RAPGEF5: variants seen among roughly 807,000 people sequenced by gnomAD.
RAPGEF5 encodes the protein M-Ras-regulated GEF.
A neutral mutation model predicts 125.2 loss-of-function variants in RAPGEF5; 65 were observed. That is an observed-to-expected ratio of 0.52 (90% CI 0.43 to 0.64). RAPGEF5 has a LOEUF of 0.64. Ranked by LOEUF, RAPGEF5 falls within the 30% of genes least tolerant of loss-of-function variation. The pLI, the probability that RAPGEF5 is intolerant of heterozygous loss-of-function variation, is 0.00. For missense variants in RAPGEF5, 958 were observed against 1,048.1 expected (o/e 0.91, Z 1.19); for synonymous variants, 391 against 385.9 (o/e 1.01, Z -0.16).
At position 22,305,875 on chromosome 7, in the gene RAPGEF5, G is replaced by A. The variant is rs369916427; in HGVS notation, c.680+2464C>T. Among the ~76,000 whole-genome samples, 14 of 152,260 alleles carry A rather than the reference G, an allele frequency of 9.2e-5. No homozygotes were observed. The East Asian group carries it at 1.7e-3, about 19-fold the overall frequency. On this transcript the variant is annotated intron_variant, in intron 5 of 25. Transcript: ENST00000665637. ...CAGTTCCATCCATGTTGTTGCAAAT[G>A]ACTATCTCTCATTCTTTTTTATGGC...
At chr7:22,355,986 C>A in intron 1 of RAPGEF5, 3 of 985,436 alleles carry the variant, frequency 3.0e-6, no homozygotes, top group Non-Finnish European at 3.6e-6. Flanking sequence ...ACCAAAGGTG[C>A]CGCCAAACCC....
chr7:22,307,107 G>A (rs780169173), intron 5 of RAPGEF5, among the ~76,000 whole-genome samples: 12 of 152,098 alleles, frequency 7.9e-5, no homozygotes, highest in Non-Finnish European at 1.8e-4. Flanking sequence ...TGGTATTTTG[G>A]TTGGGATTGC....
At chr7:22,262,618 A>T (rs189943228) in intron 7 of RAPGEF5, among the ~76,000 whole-genome samples, 19 of 152,292 alleles carry the variant, frequency 1.2e-4, no homozygotes, top group Admixed American at 2.6e-4. Context: ...TATACAAAAA[A>T]CCCTAAATAG....
At chr7:22,187,139 G>A (rs902931948) in intron 11 of RAPGEF5, among the ~76,000 whole-genome samples, 1 of 152,112 alleles carries the variant, frequency 6.6e-6, no homozygotes, top group Non-Finnish European at 1.5e-5. Context: ...CTAAGCCCTC[G>A]TGCAAGGGCT....
chr7:22,145,297 A>G, intron 19 of RAPGEF5, 75 bp from the exon 20 acceptor site: 1 of 1,414,524 alleles, frequency 7.1e-7, no homozygotes, highest in Non-Finnish European at 9.5e-7. Context: ...TCAAATTTTA[A>G]GAGCTACTTC....
chr7:22,277,680 C>T (rs1202405133), intron 6 of RAPGEF5, among the ~76,000 whole-genome samples: 1 of 152,156 alleles, frequency 6.6e-6, no homozygotes, highest in Non-Finnish European at 1.5e-5. Flanking sequence ...CCGGAAGCTG[C>T]CCATAGCTCC....
intron 12 of RAPGEF5, among the ~76,000 whole-genome samples, chr7:22,164,167 C>G (rs1174693452): frequency 6.6e-6 from 1 of 152,032 alleles, no homozygotes; most frequent in African/African-American, 2.4e-5. Context: ...GACCTCATCT[C>G]TACAAAGAAA....
chr7:22,241,752 C>T (rs1786337066), intron 7 of RAPGEF5, among the ~76,000 whole-genome samples: 2 of 152,072 alleles, frequency 1.3e-5, no homozygotes, highest in Non-Finnish European at 2.9e-5. Flanking sequence ...GGATGGTTTT[C>T]CTCGTCAGAC....
chr7:22,160,722 A>T (rs1783961362), intron 13 of RAPGEF5, 107 bp from the exon 14 acceptor site: 1 of 1,320,414 alleles, frequency 7.6e-7, no homozygotes, highest in Non-Finnish European at 9.8e-7. Flanking sequence ...GGGATTCAGG[A>T]CAATGTACGG....
Position 22,122,378 on chromosome 7 carries a change from A to G in RAPGEF5, c.*28T>C. ...ACATTCCCGTAGCTCAAAGTGCTGC[A>G]GATACAGGGGAGGTGAGGCAGTGGG... On this transcript the variant is annotated 3_prime_UTR_variant, in exon 26 of 26. Coordinates refer to ENST00000665637, the MANE Select transcript of RAPGEF5 (RefSeq NM_012294.5). 6.5e-7 allele frequency: 1 copy of G among 1,534,030 alleles called. No individual in the cohort carries two copies. The highest frequency in any genetic ancestry group is 9.0e-7 in the Non-Finnish European group (1 of 1,108,808).
Position 22,321,158 on chromosome 7 carries a change from T to C in RAPGEF5, c.232-3121A>G, listed in dbSNP as rs534853412. ...TTCTCCTTTCCATTTTAATGAACCA[T>C]GGAAAATGTTTCCCTAACTAATTAC... On this transcript the variant is annotated intron_variant, in intron 1 of 25. Coordinates refer to ENST00000665637, the MANE Select transcript of RAPGEF5 (RefSeq NM_012294.5). Among the ~76,000 whole-genome samples, 8 of 152,334 alleles carry C rather than the reference T, an allele frequency of 5.3e-5. No individual in the cohort carries two copies. In the East Asian group the frequency reaches 1.2e-3, roughly 22 times the overall value.
At chr7:22,261,701 G>C (rs900582542) in intron 7 of RAPGEF5, among the ~76,000 whole-genome samples, 1 of 152,128 alleles carries the variant, frequency 6.6e-6, no homozygotes, top group Non-Finnish European at 1.5e-5. Flanking sequence ...TTGTAGTATT[G>C]ATGGATACCA....
chr7:22,124,887 A>G (rs1031451438), intron 25 of RAPGEF5, among the ~76,000 whole-genome samples: 1 of 152,184 alleles, frequency 6.6e-6, no homozygotes, highest in African/African-American at 2.4e-5. Context: ...TTTTTGTTCT[A>G]CACCTACAGG....
intron 9 of RAPGEF5, among the ~76,000 whole-genome samples, chr7:22,198,844 G>T (rs1248306272): frequency 1.3e-5 from 2 of 152,186 alleles, no homozygotes; most frequent in Non-Finnish European, 2.9e-5. Flanking sequence ...TTTACAAATG[G>T]AGACAGGAGC....
intron 11 of RAPGEF5, among the ~76,000 whole-genome samples, chr7:22,174,763 G>C (rs1340430664): frequency 6.6e-6 from 1 of 152,186 alleles, no homozygotes; most frequent in Admixed American, 6.6e-5. Context: ...AGAGAGATAT[G>C]AGTTAAGCTT....
chr7:22,127,771 A>G (rs1782794344), intron 24 of RAPGEF5, among the ~76,000 whole-genome samples: 1 of 152,258 alleles, frequency 6.6e-6, no homozygotes, highest in African/African-American at 2.4e-5. Context: ...ATTATTGCTG[A>G]AAGAATATTA....
intron 7 of RAPGEF5, among the ~76,000 whole-genome samples, chr7:22,263,355 CAA>C (rs1782203132): frequency 6.6e-6 from 1 of 152,164 alleles, no homozygotes; most frequent in South Asian, 2.1e-4. Flanking sequence ...AAAGTTATCT[CAA>C]AAGAGCACAT....
intron 13 of RAPGEF5, among the ~76,000 whole-genome samples, chr7:22,161,831 T>G (rs1039913456): frequency 2.6e-5 from 4 of 152,206 alleles, no homozygotes; most frequent in Admixed American, 2.0e-4. Context: ...ACCTGCAGAC[T>G]TAATATGATT....
At chr7:22,302,625 G>A (rs759275698) in intron 5 of RAPGEF5, among the ~76,000 whole-genome samples, 4 of 152,092 alleles carry the variant, frequency 2.6e-5, no homozygotes, top group South Asian at 2.1e-4. Context: ...CAGACCACTC[G>A]CCATGTACCC....
Sources: allele counts gnomAD v4.1 joint callset (sites outside exome capture counted in the v4.1 genomes callset), GRCh38; gene constraint gnomAD v4.1.1; transcripts MANE v1.5; gene names NCBI Gene and HGNC (gene_info 2026-07-23, HGNC 2026-07-21).